MSI1: variants seen among roughly 807,000 people sequenced by gnomAD.
The protein encoded by MSI1 is musashi RNA binding protein 1.
Under a neutral mutation model 54.4 loss-of-function variants are expected in MSI1, and 15 were observed. The ratio of observed to expected loss-of-function variants is 0.28; its 90% CI spans 0.18 to 0.42. MSI1 has a LOEUF of 0.42. MSI1 is among the 20% of genes least tolerant of loss of function. The pLI is 1.00. For missense variants in MSI1, 304 were observed against 506.0 expected, an observed-to-expected ratio of 0.60 and a Z score of 3.83; for synonymous variants, 200 against 196.5, an observed-to-expected ratio of 1.02 and a Z score of -0.15.
At chr12:120,367,838 T>TC (rs1366445187) in intron 4 of MSI1, among the ~76,000 whole-genome samples, 170 bp downstream of exon 4, 1 of 151,442 alleles carries the variant, frequency 6.6e-6, no homozygotes, top group Non-Finnish European at 1.5e-5. Context: ...CTCCTCCCTC[T>TC]CCCCCCCAAC....
At chr12:120,352,228 A>G (rs1049688135) in intron 10 of MSI1, among the ~76,000 whole-genome samples, 1 of 151,728 alleles carries the variant, frequency 6.6e-6, no homozygotes, top group African/African-American at 2.4e-5. Flanking sequence ...GCTGATCTCA[A>G]ACTCATGGGC....
rs1565895848 is a variant in MSI1, at chr12:120,368,321, C to T, written c.101-48G>A. 6 of 1,068,534 alleles carry T rather than the reference C, an allele frequency of 5.6e-6. No homozygotes were observed. Among genetic ancestry groups the T allele is most frequent in the Non-Finnish European group, 7.3e-6 (6 of 816,682 alleles). 66.2% of individuals were successfully genotyped at this position (1,068,534 alleles called of 1,614,324 possible). A position where few individuals can be genotyped will look rare whatever the true frequency, so the allele number is the denominator to read the frequency against. On this transcript the variant is annotated intron_variant, in intron 2 of 14. Coordinates refer to ENST00000257552, the MANE Select transcript of MSI1 (RefSeq NM_002442.4). This position sits in a 1 kb window ranked among gnomAD's most constrained non-coding sequence, Gnocchi z 6.6. ...GGACCAGCCCGGGCCCCGCGCCCTTCCCCCCCCCCCGTCCTTTGCCCCCGG... is the reference window on the plus strand; with the variant it reads ...GGACCAGCCCGGGCCCCGCGCCCTTTCCCCCCCCCCGTCCTTTGCCCCCGG...
At position 120,364,707 on chromosome 12, in the gene MSI1, C is replaced by T. The variant is rs374374225; in HGVS notation, c.309+7G>A. 5.1e-5 allele frequency: 81 copies of T among 1,594,796 alleles called. 2 individuals carry two copies. In the African/African-American group the frequency reaches 9.6e-4, roughly 19 times the overall value. ...AGAGAGCTCCTCCCAGACATAGACA[C>T]ACCTACCTTGGGCTGTGCTCGCCGA... On this transcript the variant is annotated splice_region_variant and intron_variant, in intron 5 of 14. Coordinates refer to ENST00000257552, the MANE Select transcript of MSI1 (RefSeq NM_002442.4).
At chr12:120,350,868 C>T (rs1032983784) in intron 11 of MSI1, among the ~76,000 whole-genome samples, 2 of 152,296 alleles carry the variant, frequency 1.3e-5, no homozygotes, top group East Asian at 3.9e-4. Flanking sequence ...AAAATTCATA[C>T]GAAAGCAAAA....
At chr12:120,339,982 A>G (rs1003679800), downstream of MSI1, among the ~76,000 whole-genome samples, 1 of 151,480 alleles carries the variant, frequency 6.6e-6, no homozygotes, top group Non-Finnish European at 1.5e-5. Flanking sequence ...GGGTTTTACC[A>G]TATCACCCAG....
At chr12:120,354,334 T>C (rs1326752030) in intron 9 of MSI1, among the ~76,000 whole-genome samples, 2 of 152,204 alleles carry the variant, frequency 1.3e-5, no homozygotes, top group Non-Finnish European at 2.9e-5. Context: ...AAAAATCCAA[T>C]AGTTAGCAAT....
chr12:120,365,158 G>A (rs763810456), intron 4 of MSI1, among the ~76,000 whole-genome samples: 5 of 152,066 alleles, frequency 3.3e-5, no homozygotes, highest in Non-Finnish European at 1.5e-5. Context: ...TGAGCCGCCC[G>A]CCTCAGCCTT....
intron 10 of MSI1, among the ~76,000 whole-genome samples, chr12:120,351,797 C>T (rs1246476131): frequency 6.7e-6 from 1 of 150,166 alleles, no homozygotes; most frequent in Non-Finnish European, 1.5e-5. Context: ...CAAGCTCCGC[C>T]TTCCGGGTTC....
Position 120,346,138 on chromosome 12 carries a change from A to G in MSI1, c.1044T>C (p.Leu348=). The G allele has an allele frequency of 1.9e-6, 3 of 1,571,826 alleles. No homozygotes were observed. The highest frequency in any genetic ancestry group is 1.7e-6 in the Non-Finnish European group (2 of 1,160,974). Residue 348 remains leucine, a synonymous_variant, in exon 13 of 15, where the codon CTT becomes CTC. Transcript: ENST00000257552. The part of the protein sequence containing the change: ...PAPSTGFGHS[L]GGPLIATAFT... ...GCCGCTAGGCCTGGCCACTCACCCCAAGACTGTGGCCGAAGCCGGTGCTGG... is the reference window on the plus strand; with the variant it reads ...GCCGCTAGGCCTGGCCACTCACCCCGAGACTGTGGCCGAAGCCGGTGCTGG...
intron 14 of MSI1, 89 bp downstream of exon 14, chr12:120,345,481 G>T: frequency 8.6e-7 from 1 of 1,161,764 alleles, no homozygotes; most frequent in Non-Finnish European, 1.3e-6. Context: ...GTTCTTGAGG[G>T]CAGGGATGGG....
At chr12:120,359,078 A>T in intron 6 of MSI1, 25 bp from the exon 7 acceptor site, 1 of 1,552,824 alleles carries the variant, frequency 6.4e-7, no homozygotes, top group Non-Finnish European at 8.7e-7. Context: ...GCCATGGAGG[A>T]CCCAGCAGAT....
chr12:120,352,524 G>A (rs1437066404), intron 10 of MSI1, among the ~76,000 whole-genome samples: 1 of 151,876 alleles, frequency 6.6e-6, no homozygotes, highest in Non-Finnish European at 1.5e-5. Context: ...CTGAGCCTAT[G>A]TCCTCATCTC....
rs149638362 is a variant in MSI1 at position 120,351,363 on chromosome 12, T to G, written c.771A>C (p.Pro257=). 154 of 1,613,464 alleles carry G rather than the reference T, an allele frequency of 9.5e-5. No homozygotes were observed. The African/African-American group carries it at 1.9e-3, about 19-fold the overall frequency. ...ACTGACCTGTAAGCTCGGGGAGGAC[T>G]GGGGCGCTCGGGAGAGGGGTCCGCT... The part of the protein sequence containing the change: ...RVERTPLPSA[P]VLPELTAIPL... The change falls in exon 11 of 15, where the codon CCA becomes CCC. Residue 257 remains proline, a synonymous_variant. Coordinates refer to ENST00000257552, the MANE Select transcript of MSI1 (RefSeq NM_002442.4).
At chr12:120,343,405 G>A (rs930871064) in intron 14 of MSI1, among the ~76,000 whole-genome samples, 2 of 151,950 alleles carry the variant, frequency 1.3e-5, no homozygotes, top group Non-Finnish European at 2.9e-5. Flanking sequence ...TGTTGTTGTA[G>A]CAGAGATGGG....
chr12:120,344,226 T>A (rs1428975834), intron 14 of MSI1, among the ~76,000 whole-genome samples: 2 of 152,230 alleles, frequency 1.3e-5, no homozygotes, highest in Non-Finnish European at 2.9e-5. Context: ...CACTTTCCTT[T>A]TGATGGATAT....
rs1306411333 is a variant in MSI1, at chr12:120,342,248, C to G, written c.*879G>C. 1.3e-5 allele frequency: 2 copies of G among 152,796 alleles called. No individual in the cohort carries two copies. The highest frequency in any genetic ancestry group is 2.9e-5 in the Non-Finnish European group (2 of 68,186). The allele number at this position is 152,796 out of a possible 1,614,324, so 9.5% of individuals were successfully genotyped here. ...TCTTCCCACGCCCTTTGCCCCCACA[C>G]TGGGTTTTTGGAGTGGGCAGGTCCA... On this transcript the variant is annotated 3_prime_UTR_variant, in exon 15 of 15. Transcript: ENST00000257552.
chr12:120,363,025 C>A lies in MSI1; in HGVS notation c.402+18G>T. Reference sequence around the variant, plus strand: ...GTGTTCACAGCCCCAGCAGCAAGCGCCCCCAGTTTAAACCCACCTTCCCAA... The same window carrying A: ...GTGTTCACAGCCCCAGCAGCAAGCGACCCCAGTTTAAACCCACCTTCCCAA... On this transcript the variant is annotated intron_variant, in intron 6 of 14. Coordinates refer to ENST00000257552, the MANE Select transcript of MSI1 (RefSeq NM_002442.4). The A allele has an allele frequency of 6.2e-7, 1 of 1,608,032 alleles. No individual in the cohort carries two copies. The highest frequency in any genetic ancestry group is 1.7e-4 in the Middle Eastern group (1 of 6,052).
At chr12:120,363,218 G>A in intron 5 of MSI1, 83 bp from the exon 6 acceptor site, 1 of 1,174,822 alleles carries the variant, frequency 8.5e-7, no homozygotes, top group Non-Finnish European at 1.3e-6. Flanking sequence ...CCCCTGCCAG[G>A]ATGCCAGCTG....
At chr12:120,363,212 T>G in intron 5 of MSI1, 77 bp from the exon 6 acceptor site, 2 of 1,156,282 alleles carry the variant, frequency 1.7e-6, no homozygotes, top group South Asian at 1.2e-5. Context: ...CGAGCCCCCC[T>G]GCCAGGATGC....
Sources: allele counts gnomAD v4.1 joint callset (sites outside exome capture counted in the v4.1 genomes callset), GRCh38; gene constraint gnomAD v4.1.1; non-coding constraint Gnocchi (gnomAD v3.1); transcripts MANE v1.5; gene names NCBI Gene and HGNC (gene_info 2026-07-23, HGNC 2026-07-21).